CDC23: variants seen among roughly 807,000 people sequenced by gnomAD.
CDC23 encodes the protein cell division cycle protein 23 homolog.
A neutral mutation model predicts 81.7 loss-of-function variants in CDC23; 26 were observed. The ratio of observed to expected loss-of-function variants is 0.32; its 90% CI spans 0.23 to 0.44. CDC23 has a LOEUF of 0.44. Among genes scored for constraint, CDC23 ranks in the 20% least tolerant of loss-of-function variants. The pLI, the probability that CDC23 is intolerant of heterozygous loss-of-function variation, is 1.00. For missense variants in CDC23, 519 were observed against 728.0 expected (o/e 0.71, Z 3.30); for synonymous variants, 267 against 270.8 (o/e 0.99, Z 0.14).
chr5:138,199,544 A>G (rs986985319), intron 6 of CDC23, among the ~76,000 whole-genome samples: 3 of 152,240 alleles, frequency 2.0e-5, no homozygotes, highest in Non-Finnish European at 2.9e-5. Flanking sequence ...TAAGTAATCC[A>G]AATTTGAGAT....
At chr5:138,191,789 G>A in intron 12 of CDC23, 73 bp downstream of exon 12, 2 of 1,221,648 alleles carry the variant, frequency 1.6e-6, no homozygotes. Flanking sequence ...GGAAAAATTA[G>A]AGCACAGATA....
At chr5:138,197,033 T>C (rs1185099574) in intron 9 of CDC23, among the ~76,000 whole-genome samples, 3 of 149,988 alleles carry the variant, frequency 2.0e-5, no homozygotes, top group East Asian at 1.9e-4. Context: ...CTGAAGCTAG[T>C]AATTATGCCT....
Position 138,195,059 on chromosome 5 carries a change from T to A in CDC23, c.1013-2402A>T, listed in dbSNP as rs1006863200. Among the ~76,000 whole-genome samples, 15 of 152,038 alleles carry A rather than the reference T, an allele frequency of 9.9e-5. 1 individual carries two copies. In the South Asian group the frequency reaches 1.7e-3, roughly 17 times the overall value. On this transcript the variant is annotated intron_variant, in intron 9 of 15. Transcript: ENST00000394886. The stretch of plus-strand genomic sequence containing the variant: ...GCCCCTGCACTGGCCTAAGCTATAT[T>A]TTTTTTAAAAAGAATGAAGAGCTAC...
rs974987062 is a variant in CDC23 at position 138,189,764 on chromosome 5, A to G, written c.1504-12T>C. 1.9e-6 allele frequency: 3 copies of G among 1,613,352 alleles called. No homozygotes were observed. On this transcript the variant is annotated splice_polypyrimidine_tract_variant and intron_variant, in intron 14 of 15. Transcript: ENST00000394886. ...TGTTCTACTATTTCCTAGAAAGGGA[A>G]AGCAAAATTACTGAGGTGACAGTAA...
chr5:138,206,536 A>C lies in CDC23; in HGVS notation c.372+11T>G. The C allele has an allele frequency of 6.2e-7, 1 of 1,614,058 alleles. No individual in the cohort carries two copies. The highest frequency in any genetic ancestry group is 8.5e-7 in the Non-Finnish European group (1 of 1,179,890). The stretch of plus-strand genomic sequence containing the variant: ...ACTAAAGGCAGAATGACATTTTAAA[A>C]TGGCCCTCACCAGATATCTGGAATA... On this transcript the variant is annotated intron_variant, in intron 3 of 15. Coordinates refer to ENST00000394886, the MANE Select transcript of CDC23 (RefSeq NM_004661.4).
chr5:138,210,865 C>T (rs533722257), intron 2 of CDC23, among the ~76,000 whole-genome samples: 3 of 152,230 alleles, frequency 2.0e-5, no homozygotes, highest in Admixed American at 2.0e-4. Flanking sequence ...GCTTTATTTA[C>T]TCATTCAATA....
At chr5:138,202,219 G>A in intron 3 of CDC23, 64 bp from the exon 4 acceptor site, 6 of 1,293,440 alleles carry the variant, frequency 4.6e-6, no homozygotes, top group South Asian at 1.3e-5. Flanking sequence ...TTTAAAACTA[G>A]CATCCTGATC....
rs767536014 is a variant in CDC23, at chr5:138,192,639, C to T, written c.1031G>A (p.Arg344His). 5 of 1,609,582 alleles carry T rather than the reference C, an allele frequency of 3.1e-6. No homozygotes were observed. Among genetic ancestry groups the T allele is most frequent in the Admixed American group, 1.7e-5 (1 of 58,696 alleles). The change falls in exon 10 of 16, where the codon CGT (arginine) becomes CAT (histidine). Residue 344 changes from arginine (R) to histidine (H), a missense_variant. Physicochemically the swap from Arg to His is conservative, Grantham distance 29. Transcript: ENST00000394886. ...TAAGGCTGCTTTCTCATGCTGAGAA[C>T]GTAAACTGTAATAATTGCCTGATTA... Reference protein sequence around the residue: ...CCVIGNYYSLRSQHEKAALYF... With the variant: ...CCVIGNYYSLHSQHEKAALYF...
chr5:138,200,560 C>T (rs1754976234), intron 6 of CDC23, among the ~76,000 whole-genome samples: 3 of 152,032 alleles, frequency 2.0e-5, no homozygotes, highest in African/African-American at 7.2e-5. Flanking sequence ...TGGTTCATGC[C>T]TGTAATCCCA....
At chr5:138,206,423 C>G (rs767379151) in intron 3 of CDC23, 124 bp downstream of exon 3, 2 of 893,266 alleles carry the variant, frequency 2.2e-6, no homozygotes, top group Non-Finnish European at 3.7e-6. Context: ...TTTATTATTG[C>G]TATGTATAAA....
chr5:138,198,466 A>G lies in CDC23; in HGVS notation c.890T>C (p.Ile297Thr), dbSNP rs1167704259. 6 of 1,614,052 alleles carry G rather than the reference A, an allele frequency of 3.7e-6. No individual in the cohort carries two copies. Among genetic ancestry groups the G allele is most frequent in the Non-Finnish European group, 5.1e-6 (6 of 1,180,036 alleles). ...GTTGGAGAATGTGTCCATATTTTCA[A>G]TCCTGTAAGGGTCTTGTTTCCTTAG... is the stretch of plus-strand genomic sequence containing the variant. ...NELRKQDPYR[I>T]ENMDTFSNLL... The change falls in exon 8 of 16, where the codon ATT becomes ACT. Residue 297 changes from isoleucine to threonine, a missense_variant. Ile to Thr is a moderately conservative substitution (Grantham distance 89). Around this residue, in one of 4 missense-constraint regions of CDC23, gnomAD observed 180 missense variants for 239.3 expected, o/e 0.75. Coordinates refer to ENST00000394886, the MANE Select transcript of CDC23 (RefSeq NM_004661.4).
intron 9 of CDC23, among the ~76,000 whole-genome samples, chr5:138,195,774 G>GTATATATATACATATATTATATGTGTA (rs1238328252): frequency 1.6e-4 from 17 of 108,900 alleles, no homozygotes; most frequent in African/African-American, 5.9e-4. Context: ...TTATATATGT[G>GTATATATATACATATATTATATGTGTA]TATATATACA....
At position 138,189,012 on chromosome 5, in the gene CDC23, ACT is replaced by A. The variant is rs1253372585; in HGVS notation, c.1758_1759del (p.Arg586SerfsTer26). ...GACAGAAGACAAGTTGAGTGGAGAA[ACT>A]CTGCGTGTGGGGGTATTGTTAGCAG... is the stretch of plus-strand genomic sequence containing the variant. On this transcript the variant is annotated frameshift_variant, in exon 16 of 16. Transcript: ENST00000394886. LOFTEE classifies it high-confidence loss of function. 3 of 1,613,896 alleles carry A rather than the reference ACT, an allele frequency of 1.9e-6. No individual in the cohort carries two copies. Among genetic ancestry groups the A allele is most frequent in the Non-Finnish European group, 2.5e-6 (3 of 1,179,934 alleles).
Position 138,213,012 on chromosome 5 carries a change from T to C in CDC23, c.213A>G (p.Gln71=), listed in dbSNP as rs527886079. The C allele has an allele frequency of 9.5e-5, 154 of 1,613,632 alleles. 4 individuals carry two copies. In the South Asian group the frequency reaches 1.6e-3, roughly 17 times the overall value. ...TTACCTCTGTAATAGGCGGAGGCGG[T>C]TGCAGCTCGGCCAGAGGCAATGCAG... is the stretch of plus-strand genomic sequence containing the variant. ...SLPALPLAEL[Q]PPPPITEEDA... Residue 71 remains glutamine (Q), a synonymous_variant, in exon 2 of 16, where the codon CAA becomes CAG. Transcript: ENST00000394886.
chr5:138,196,738 G>A (rs1754912663), intron 9 of CDC23, among the ~76,000 whole-genome samples: 1 of 150,376 alleles, frequency 6.6e-6, no homozygotes, highest in African/African-American at 2.5e-5. Context: ...CCGCCACCAC[G>A]CCCAGCTAAT....
chr5:138,201,035 C>T (rs1331414081), intron 6 of CDC23, 72 bp downstream of exon 6: 1 of 1,534,982 alleles, frequency 6.5e-7, no homozygotes, highest in Admixed American at 2.1e-5. Context: ...AAACTTTCCC[C>T]ACCCCTATAT....
At chr5:138,202,238 A>C in intron 3 of CDC23, 83 bp from the exon 4 acceptor site, 1 of 1,025,168 alleles carries the variant, frequency 9.8e-7, no homozygotes, top group Admixed American at 2.3e-5. Context: ...TCCTACCTAA[A>C]GGGCCAAGTT....
intron 9 of CDC23, among the ~76,000 whole-genome samples, chr5:138,194,915 TTTC>T (rs1754867674): frequency 6.6e-6 from 1 of 151,706 alleles, no homozygotes; most frequent in Non-Finnish European, 1.5e-5. Context: ...AGTGACAGGG[TTTC>T]ACCATGTTGG....
chr5:138,210,717 A>T (rs762499586), intron 2 of CDC23, among the ~76,000 whole-genome samples: 1 of 152,224 alleles, frequency 6.6e-6, no homozygotes, highest in Non-Finnish European at 1.5e-5. Flanking sequence ...ACTGAAAGCT[A>T]TTCAACAAAC....
Sources: allele counts gnomAD v4.1 joint callset (sites outside exome capture counted in the v4.1 genomes callset), GRCh38; gene constraint gnomAD v4.1.1; regional missense constraint gnomAD v4.1.1; transcripts MANE v1.5; gene names NCBI Gene and HGNC (gene_info 2026-07-23, HGNC 2026-07-21).